Variants in MDGA2 observed in about 807,000 individuals in gnomAD.
MDGA2 encodes MAM domain containing glycosylphosphatidylinositol anchor 2.
A neutral mutation model predicts 117.8 loss-of-function variants in MDGA2; 40 were observed. The ratio of observed to expected loss-of-function variants is 0.34; its 90% CI spans 0.26 to 0.44. The LOEUF is 0.44. Ranked by LOEUF, MDGA2 falls within the 20% of genes least tolerant of loss-of-function variation. The pLI, the probability that MDGA2 is intolerant of heterozygous loss-of-function variation, is 1.00. For missense variants in MDGA2, 1,123 were observed against 1,250.6 expected (o/e 0.90, Z 1.54); for synonymous variants, 452 against 439.0 (o/e 1.03, Z -0.37).
chr14:47,386,758 A>T (rs1891769719), intron 1 of MDGA2, among the ~76,000 whole-genome samples: 1 of 152,198 alleles, frequency 6.6e-6, no homozygotes, highest in South Asian at 2.1e-4. Flanking sequence ...TTCAGGGACT[A>T]TATATGGGCT....
chr14:47,368,576 T>G (rs1183853482), intron 1 of MDGA2, among the ~76,000 whole-genome samples: 1 of 152,204 alleles, frequency 6.6e-6, no homozygotes, highest in Non-Finnish European at 1.5e-5. Context: ...GAAATACTGC[T>G]AGTCGATGGC....
chr14:47,533,284 A>C (rs547724182), intron 1 of MDGA2, among the ~76,000 whole-genome samples: 1 of 152,316 alleles, frequency 6.6e-6, no homozygotes, highest in African/African-American at 2.4e-5. Flanking sequence ...TGCGCCAATT[A>C]GATTACAAAC....
chr14:47,180,648 A>G (rs1237933394), intron 3 of MDGA2, among the ~76,000 whole-genome samples: 1 of 152,134 alleles, frequency 6.6e-6, no homozygotes, highest in Non-Finnish European at 1.5e-5. Flanking sequence ...AGCAGTCAGA[A>G]TGGCTATTAT....
intron 3 of MDGA2, among the ~76,000 whole-genome samples, chr14:47,203,302 G>T (rs1277577366): frequency 2.0e-5 from 3 of 151,942 alleles, no homozygotes; most frequent in Admixed American, 2.0e-4. Flanking sequence ...CTTAGAGAAG[G>T]GGGATGCTAT....
chr14:47,540,814 C>T (rs1026754164), intron 1 of MDGA2, among the ~76,000 whole-genome samples: 1 of 151,884 alleles, frequency 6.6e-6, no homozygotes, highest in Admixed American at 6.6e-5. Context: ...ATCCTCCCAG[C>T]TTGACCTCCC....
At chr14:47,449,495 T>A (rs1322003681) in intron 1 of MDGA2, among the ~76,000 whole-genome samples, 1 of 152,288 alleles carries the variant, frequency 6.6e-6, no homozygotes, top group Non-Finnish European at 1.5e-5. Context: ...GGAGCATAAC[T>A]TTTTGTTTGT....
At chr14:47,439,365 T>C (rs1327634413) in intron 1 of MDGA2, among the ~76,000 whole-genome samples, 2 of 151,964 alleles carry the variant, frequency 1.3e-5, no homozygotes, top group Non-Finnish European at 2.9e-5. Flanking sequence ...ATCTCCTAAA[T>C]GAGTTAATGG....
chr14:47,117,134 C>A (rs1044375756), intron 5 of MDGA2, among the ~76,000 whole-genome samples: 1 of 151,990 alleles, frequency 6.6e-6, no homozygotes, highest in African/African-American at 2.4e-5. Flanking sequence ...AGAAGACACA[C>A]AAATGGATAA....
downstream of MDGA2, among the ~76,000 whole-genome samples, chr14:46,839,928 A>G (rs541390320): frequency 3.4e-4 from 51 of 152,076 alleles, no homozygotes; most frequent in African/African-American, 1.2e-3. Context: ...ATGTATTACA[A>G]TATAGGGGAG....
At chr14:47,665,836 C>T (rs1314947118) in intron 1 of MDGA2, among the ~76,000 whole-genome samples, 5 of 142,410 alleles carry the variant, frequency 3.5e-5, no homozygotes, top group Non-Finnish European at 7.7e-5. Flanking sequence ...CCGCCCCACC[C>T]CGCCCCACCC....
chr14:46,956,805 G>A (rs1473511757), intron 9 of MDGA2, among the ~76,000 whole-genome samples: 1 of 152,070 alleles, frequency 6.6e-6, no homozygotes, highest in East Asian at 1.9e-4. Flanking sequence ...TCAGGGGAGG[G>A]CTCTAGTGGG....
chr14:46,902,026 T>C (rs1883305701), intron 10 of MDGA2, among the ~76,000 whole-genome samples: 1 of 152,224 alleles, frequency 6.6e-6, no homozygotes, highest in African/African-American at 2.4e-5. Flanking sequence ...TGAACCCCTC[T>C]TTCTTGTTCC....
At chr14:47,376,639 C>T (rs7157754) in intron 1 of MDGA2, among the ~76,000 whole-genome samples, 152,130 of 152,278 alleles carry the variant, frequency 1, 75,991 homozygotes, top group Non-Finnish European at 1. Context: ...TTTGAGTTAT[C>T]GTTCTTACTC....
chr14:47,377,407 G>C (rs1209749679), intron 1 of MDGA2, among the ~76,000 whole-genome samples: 1 of 152,150 alleles, frequency 6.6e-6, no homozygotes, highest in African/African-American at 2.4e-5. Context: ...CCGAAGCAGG[G>C]TGGGGCATCG....
chr14:47,410,440 T>C (rs1490612123), intron 1 of MDGA2, among the ~76,000 whole-genome samples: 2 of 151,822 alleles, frequency 1.3e-5, no homozygotes, highest in African/African-American at 4.9e-5. Context: ...GTTTTCTTTT[T>C]GTTTTTTTGT....
At chr14:47,670,132 T>C (rs921507486) in intron 1 of MDGA2, among the ~76,000 whole-genome samples, 1 of 152,214 alleles carries the variant, frequency 6.6e-6, no homozygotes, top group Non-Finnish European at 1.5e-5. Context: ...ATTACCTGAA[T>C]TGAGTTAATA....
At chr14:47,153,234 G>T (rs1221360853) in intron 3 of MDGA2, among the ~76,000 whole-genome samples, 1 of 152,178 alleles carries the variant, frequency 6.6e-6, no homozygotes. Context: ...TCAGTAAGAA[G>T]GTTGTGGTAA....
chr14:47,312,693 G>GTTTTTTTTTTTT (rs375332903), intron 1 of MDGA2, among the ~76,000 whole-genome samples: 3 of 104,364 alleles, frequency 2.9e-5, no homozygotes, highest in Admixed American at 2.1e-4. Flanking sequence ...TTTTTGTTTT[G>GTTTTTTTTTTTT]TTTTGTTTTT....
intron 1 of MDGA2, among the ~76,000 whole-genome samples, chr14:47,627,800 T>C (rs1434435174): frequency 2.6e-5 from 4 of 152,114 alleles, no homozygotes; most frequent in African/African-American, 7.2e-5. Context: ...TGCTCACTCT[T>C]TGGGTCCACA....
Sources: allele counts gnomAD v4.1 joint callset (sites outside exome capture counted in the v4.1 genomes callset), GRCh38; gene constraint gnomAD v4.1.1; transcripts MANE v1.5; gene names NCBI Gene and HGNC (gene_info 2026-07-23, HGNC 2026-07-21).